LHPP: variants seen among roughly 807,000 people sequenced by gnomAD.
LHPP encodes phospholysine phosphohistidine inorganic pyrophosphate phosphatase.
Under a neutral mutation model 30.3 loss-of-function variants are expected in LHPP, and 24 were observed. The observed-to-expected ratio is 0.79, with a 90% CI of 0.57 to 1.11. The LOEUF (loss-of-function observed/expected upper bound fraction) is 1.11. Ranked by LOEUF, LHPP falls within the 50% of genes most tolerant of loss-of-function variation. The pLI is 0.00. For missense variants in LHPP, 356 were observed against 367.2 expected, an observed-to-expected ratio of 0.97 and a Z score of 0.25; for synonymous variants, 150 against 157.1, an observed-to-expected ratio of 0.95 and a Z score of 0.34.
intron 1 of LHPP, among the ~76,000 whole-genome samples, chr10:124,473,626 G>C (rs977173829): frequency 6.6e-6 from 1 of 152,112 alleles, no homozygotes; most frequent in African/African-American, 2.4e-5. Flanking sequence ...CCTGTACCCA[G>C]GCTGCAAGAA....
At chr10:124,565,458 G>A (rs1948472216) in intron 6 of LHPP, among the ~76,000 whole-genome samples, 1 of 152,088 alleles carries the variant, frequency 6.6e-6, no homozygotes, top group Admixed American at 6.5e-5. Context: ...GGTTTAGTTT[G>A]GGGAGAGGAG....
At chr10:124,567,392 C>T (rs1159574064) in intron 6 of LHPP, among the ~76,000 whole-genome samples, 1 of 152,246 alleles carries the variant, frequency 6.6e-6, no homozygotes, top group Non-Finnish European at 1.5e-5. Context: ...GCCTGCCCTC[C>T]ACGCGCCCCT....
At position 124,590,688 on chromosome 10, in the gene LHPP, C is replaced by A. The variant is rs74484915; in HGVS notation, c.717-22576C>A. 2.2e-3 allele frequency among the ~76,000 whole-genome samples: 338 copies of A among 152,342 alleles called. 1 individual carries two copies. The highest frequency in any genetic ancestry group is 7.7e-3 in the African/African-American group (320 of 41,582). ...CCAACAAGGCTCAGCTGAGCCCTTG[C>A]CAGAGGAGACACGGTGGGCACCAGC... On this transcript the variant is annotated intron_variant, in intron 6 of 6. Coordinates refer to ENST00000368842, the MANE Select transcript of LHPP (RefSeq NM_022126.4). This position sits in a 1 kb window ranked among gnomAD's most constrained non-coding sequence, Gnocchi z 4.3.
At chr10:124,484,809 A>G (rs766302944) in intron 2 of LHPP, among the ~76,000 whole-genome samples, 3 of 152,140 alleles carry the variant, frequency 2.0e-5, no homozygotes, top group Non-Finnish European at 4.4e-5. Flanking sequence ...TGCTCTTTGG[A>G]ACAGTTTGCA....
chr10:124,535,232 C>T (rs902355298), intron 6 of LHPP, among the ~76,000 whole-genome samples: 1 of 152,218 alleles, frequency 6.6e-6, no homozygotes, highest in Non-Finnish European at 1.5e-5. Context: ...TGAGAGAGAA[C>T]TGACATCGTC....
chr10:124,526,924 G>A (rs765181194), intron 6 of LHPP, among the ~76,000 whole-genome samples: 107 of 152,236 alleles, frequency 7.0e-4, no homozygotes, highest in Non-Finnish European at 1.0e-3. Flanking sequence ...GAAGGGGCCC[G>A]CAGTGAACTT....
chr10:124,558,323 T>A (rs1408879629), intron 6 of LHPP, among the ~76,000 whole-genome samples: 1 of 152,168 alleles, frequency 6.6e-6, no homozygotes, highest in African/African-American at 2.4e-5. Context: ...GCACTCCCAG[T>A]GGGCCCCACG....
At chr10:124,465,631 G>A (rs114316945) in intron 1 of LHPP, among the ~76,000 whole-genome samples, 2,560 of 151,882 alleles carry the variant, frequency 0.017, 73 homozygotes, top group African/African-American at 0.057. Context: ...GTGTGATCTC[G>A]GCTCACTGCA....
intron 6 of LHPP, among the ~76,000 whole-genome samples, chr10:124,581,591 G>A (rs1948742461): frequency 6.6e-6 from 1 of 152,112 alleles, no homozygotes; most frequent in African/African-American, 2.4e-5. Flanking sequence ...TTTAATTCTA[G>A]CCATTCTAGT....
At chr10:124,600,568 C>T (rs1949008091) in intron 6 of LHPP, among the ~76,000 whole-genome samples, 1 of 152,240 alleles carries the variant, frequency 6.6e-6, no homozygotes, top group East Asian at 1.9e-4. Flanking sequence ...AACCTAGGTG[C>T]CCGGGGTCTC....
Position 124,584,242 on chromosome 10 carries a change from G to A in LHPP, c.717-29022G>A, listed in dbSNP as rs538248149. ...AAATTAGGCATGGTGGCGTGCACCTGTAGTCTCAGCTACTCAGGAGGCTGA... is the reference window on the plus strand; with the variant it reads ...AAATTAGGCATGGTGGCGTGCACCTATAGTCTCAGCTACTCAGGAGGCTGA... On this transcript the variant is annotated intron_variant, in intron 6 of 6. Coordinates refer to ENST00000368842, the MANE Select transcript of LHPP (RefSeq NM_022126.4). Among the ~76,000 whole-genome samples, 7 of 151,806 alleles carry A rather than the reference G, an allele frequency of 4.6e-5. No homozygotes were observed. The East Asian group carries it at 1.4e-3, about 29-fold the overall frequency.
intron 5 of LHPP, chr10:124,498,507 C>A: frequency 6.9e-7 from 1 of 1,443,352 alleles, no homozygotes; most frequent in Non-Finnish European, 9.1e-7. Context: ...ACTCATTTTG[C>A]GACCTTTATA....
intron 6 of LHPP, among the ~76,000 whole-genome samples, chr10:124,552,681 G>T (rs74160928): frequency 0.042 from 6,339 of 152,192 alleles, 218 homozygotes; most frequent in African/African-American, 0.08. Context: ...GACTGGACGC[G>T]TGGCTGCCAG....
intron 6 of LHPP, among the ~76,000 whole-genome samples, chr10:124,582,102 A>C (rs1422082851): frequency 1.5e-5 from 2 of 136,566 alleles, no homozygotes; most frequent in Non-Finnish European, 3.2e-5. Context: ...TATATTTTTT[A>C]AAGTCAGGAT....
chr10:124,522,903 G>A (rs778148867), intron 6 of LHPP, among the ~76,000 whole-genome samples: 4 of 152,150 alleles, frequency 2.6e-5, no homozygotes, highest in Non-Finnish European at 5.9e-5. Flanking sequence ...GGAGAAGGAA[G>A]AGCCGCTGGC....
chr10:124,514,369 A>G (rs1050902141), intron 5 of LHPP, among the ~76,000 whole-genome samples: 2 of 152,218 alleles, frequency 1.3e-5, no homozygotes, highest in Admixed American at 1.3e-4. Context: ...CATTTCTTGT[A>G]GGGTAGATCT....
intron 1 of LHPP, among the ~76,000 whole-genome samples, chr10:124,471,727 A>ATATT (rs71026094): frequency 0.57 from 17,298 of 30,508 alleles, 4,347 homozygotes; most frequent in Non-Finnish European, 0.63. Flanking sequence ...ATATTTATGT[A>ATATT]TATATATATT....
At chr10:124,486,181 C>G (rs1490624616) in intron 2 of LHPP, among the ~76,000 whole-genome samples, 1 of 152,164 alleles carries the variant, frequency 6.6e-6, no homozygotes, top group Non-Finnish European at 1.5e-5. Flanking sequence ...TATGCATGCA[C>G]CCATGGAACC....
In LHPP at chr10:124,592,023, C is replaced by T. The variant is rs773583575; in HGVS notation, c.717-21241C>T. The stretch of plus-strand genomic sequence containing the variant: ...TTGTAACACACCCTAGACAAGTCAG[C>T]ACTCAAGTTTATATGGACAAATAAG... On this transcript the variant is annotated intron_variant, in intron 6 of 6. Transcript: ENST00000368842. This position sits in a 1 kb window ranked among gnomAD's most constrained non-coding sequence, Gnocchi z 6.2. Among the ~76,000 whole-genome samples, 15 of 152,134 alleles carry T rather than the reference C, an allele frequency of 9.9e-5. No individual in the cohort carries two copies. Among genetic ancestry groups the T allele is most frequent in the Admixed American group, 2.0e-4 (3 of 15,278 alleles).
Sources: gnomAD v4.1 joint callset for allele counts (sites outside exome capture counted in the v4.1 genomes callset) on GRCh38, gnomAD v4.1.1 for gene constraint, Gnocchi (gnomAD v3.1) non-coding constraint, MANE v1.5 for transcripts, NCBI Gene and HGNC (gene_info 2026-07-23, HGNC 2026-07-21) for gene names.